The following SYN2 variants were observed in gnomAD, a reference collection of about 807,000 sequenced individuals.
The protein encoded by SYN2 is synapsin II, also known as synapsin-2.
A neutral mutation model predicts 50.9 loss-of-function variants in SYN2; 19 were observed. The ratio of observed to expected loss-of-function variants is 0.37; its 90% CI spans 0.26 to 0.55. The LOEUF (loss-of-function observed/expected upper bound fraction) is 0.55, where lower values mean the gene tolerates loss of function less well. Ranked by LOEUF, SYN2 falls within the 20% of genes least tolerant of loss-of-function variation. The probability of loss-of-function intolerance (pLI) is 0.81; values close to 1 mark genes in which losing one functional copy is unlikely to be tolerated. For missense variants in SYN2, 587 were observed against 576.4 expected, an observed-to-expected ratio of 1.02 and a Z score of -0.19; for synonymous variants, 255 against 224.9, an observed-to-expected ratio of 1.13 and a Z score of -1.20.
At chr3:12,045,843 G>A (rs1694727054) in intron 1 of SYN2, among the ~76,000 whole-genome samples, 1 of 152,120 alleles carries the variant, frequency 6.6e-6, no homozygotes, top group African/African-American at 2.4e-5. Context: ...GCGGAGTTAA[G>A]AAGAAAAAAG....
chr3:12,099,826 G>T (rs563840393), intron 1 of SYN2, among the ~76,000 whole-genome samples: 1 of 151,384 alleles, frequency 6.6e-6, no homozygotes, highest in Non-Finnish European at 1.5e-5. Flanking sequence ...TTAGCCGGGC[G>T]TAGTGGCGGG....
intron 1 of SYN2, among the ~76,000 whole-genome samples, chr3:12,056,021 G>A (rs1272039922): frequency 6.6e-6 from 1 of 152,204 alleles, no homozygotes. Context: ...CCTGGTGAGA[G>A]TGTAATCAGC....
At chr3:12,131,197 T>C (rs910146910) in intron 1 of SYN2, among the ~76,000 whole-genome samples, 1 of 152,188 alleles carries the variant, frequency 6.6e-6, no homozygotes, top group African/African-American at 2.4e-5. Flanking sequence ...GAGGTGCCTT[T>C]TTCTAATTCC....
At chr3:12,173,623 C>G (rs1460505343) in intron 10 of SYN2, among the ~76,000 whole-genome samples, 1 of 152,162 alleles carries the variant, frequency 6.6e-6, no homozygotes, top group Non-Finnish European at 1.5e-5. Context: ...TTGTCAAAGT[C>G]ACCTCCATGA....
intron 3 of SYN2, among the ~76,000 whole-genome samples, chr3:12,145,299 C>T (rs1411155914): frequency 1.3e-5 from 2 of 151,966 alleles, no homozygotes; most frequent in African/African-American, 2.4e-5. Flanking sequence ...CTACTTGAGA[C>T]GCTGAGGCGA....
chr3:12,083,997 T>TGTC (rs1307867541), intron 1 of SYN2, among the ~76,000 whole-genome samples: 1 of 152,186 alleles, frequency 6.6e-6, no homozygotes, highest in African/African-American at 2.4e-5. Flanking sequence ...TGTTCAGACA[T>TGTC]GTCTCTCCCC....
chr3:12,121,558 C>CAATGTT (rs1696557621), intron 1 of SYN2, among the ~76,000 whole-genome samples: 1 of 149,680 alleles, frequency 6.7e-6, no homozygotes, highest in South Asian at 2.1e-4. Context: ...ATATATCAGT[C>CAATGTT]AATGTTCTCC....
chr3:12,115,189 C>G (rs2125197730), intron 1 of SYN2, among the ~76,000 whole-genome samples: 1 of 152,260 alleles, frequency 6.6e-6, no homozygotes, highest in East Asian at 1.9e-4. Context: ...TGTGCAAGGT[C>G]AAATAATTGA....
chr3:12,090,239 G>A (rs1695797195), intron 1 of SYN2, among the ~76,000 whole-genome samples: 1 of 152,020 alleles, frequency 6.6e-6, no homozygotes, highest in African/African-American at 2.4e-5. Flanking sequence ...CTGGGGCTGT[G>A]GTCTTCAGAA....
At chr3:12,089,877 C>T (rs1223845294) in intron 1 of SYN2, among the ~76,000 whole-genome samples, 1 of 152,046 alleles carries the variant, frequency 6.6e-6, no homozygotes. Flanking sequence ...GGATTCAAGA[C>T]TATTGAGATT....
intron 5 of SYN2, among the ~76,000 whole-genome samples, chr3:12,152,053 C>T (rs1038182861): frequency 2.6e-5 from 4 of 152,166 alleles, no homozygotes; most frequent in South Asian, 2.1e-4. Context: ...AATTGGTGAT[C>T]GTGCTTAACC....
intron 3 of SYN2, among the ~76,000 whole-genome samples, chr3:12,142,931 A>G (rs1445650597): frequency 6.6e-6 from 1 of 152,216 alleles, no homozygotes; most frequent in African/African-American, 2.4e-5. Flanking sequence ...GAGCTTGTCC[A>G]TTCTGAAGAT....
intron 10 of SYN2, among the ~76,000 whole-genome samples, chr3:12,181,095 A>G (rs765606017): frequency 6.6e-5 from 10 of 152,272 alleles, no homozygotes; most frequent in South Asian, 6.2e-4. Flanking sequence ...CTATCTCACT[A>G]TTTTTACAAA....
At chr3:12,148,508 T>C (rs1262896296) in intron 4 of SYN2, 2 of 152,206 alleles carry the variant, frequency 1.3e-5, no homozygotes, top group Non-Finnish European at 2.9e-5. Flanking sequence ...GGAGATACTT[T>C]GATTGGGTTG....
intron 1 of SYN2, among the ~76,000 whole-genome samples, chr3:12,090,301 C>T (rs1340437119): frequency 1.3e-5 from 2 of 152,162 alleles, no homozygotes; most frequent in Non-Finnish European, 2.9e-5. Flanking sequence ...TATGAGGAAA[C>T]TCTAGCCTGT....
intron 1 of SYN2, among the ~76,000 whole-genome samples, chr3:12,056,942 T>TA (rs1444530118): frequency 1.3e-5 from 2 of 152,236 alleles, no homozygotes; most frequent in Non-Finnish European, 2.9e-5. Flanking sequence ...AGACTGGTTA[T>TA]ATTACTTGTT....
intron 1 of SYN2, among the ~76,000 whole-genome samples, chr3:12,068,924 C>T (rs1695280454): frequency 6.6e-6 from 1 of 152,204 alleles, no homozygotes; most frequent in South Asian, 2.1e-4. Context: ...ACCCCTATTT[C>T]TCCACACCTT....
intron 1 of SYN2, among the ~76,000 whole-genome samples, chr3:12,102,291 T>C (rs1195386770): frequency 4.6e-5 from 7 of 152,194 alleles, no homozygotes. Flanking sequence ...TTGCCATTCT[T>C]AGGTCTCTTA....
chr3:12,070,795 G>A, intron 1 of SYN2: 1 of 629,594 alleles, frequency 1.6e-6, no homozygotes, highest in Non-Finnish European at 3.0e-6. Flanking sequence ...GGACCTGACT[G>A]ACTACCTCAT....
Sources: gnomAD v4.1 joint callset for allele counts (sites outside exome capture counted in the v4.1 genomes callset) on GRCh38, gnomAD v4.1.1 for gene constraint, MANE v1.5 for transcripts, NCBI Gene and HGNC (gene_info 2026-07-23, HGNC 2026-07-21) for gene names.